The following MEMO1 variants were observed in gnomAD, a reference collection of about 807,000 sequenced individuals.
The protein encoded by MEMO1 is mediator of cell motility 1, also known as protein MEMO1.
MEMO1 carries 6 observed loss-of-function variants against 45.2 expected under a neutral mutation model. The ratio of observed to expected loss-of-function variants is 0.13; its 90% CI spans 0.07 to 0.26. The LOEUF (loss-of-function observed/expected upper bound fraction) is 0.26, where lower values mean the gene tolerates loss of function less well. MEMO1 is among the 10% of genes least tolerant of loss of function. The probability of loss-of-function intolerance (pLI) is 1.00; values close to 1 mark genes in which losing one functional copy is unlikely to be tolerated. For missense variants in MEMO1, 184 were observed against 370.5 expected, an observed-to-expected ratio of 0.50 and a Z score of 4.13; for synonymous variants, 78 against 124.3, an observed-to-expected ratio of 0.63 and a Z score of 2.48.
At chr2:31,969,437 G>A (rs543051133) in intron 2 of MEMO1, among the ~76,000 whole-genome samples, 120 of 150,562 alleles carry the variant, frequency 8.0e-4, no homozygotes, top group African/African-American at 2.9e-3. Flanking sequence ...ATATGTGTGT[G>A]TATACGCATA....
At chr2:31,879,023 T>A (rs1373003551) in intron 8 of MEMO1, among the ~76,000 whole-genome samples, 1 of 152,210 alleles carries the variant, frequency 6.6e-6, no homozygotes, top group Non-Finnish European at 1.5e-5. Flanking sequence ...TGAAGTAATC[T>A]CATAGTTTCC....
intron 2 of MEMO1, among the ~76,000 whole-genome samples, chr2:31,991,118 A>C (rs1203610144): frequency 6.6e-6 from 1 of 152,226 alleles, no homozygotes; most frequent in Non-Finnish European, 1.5e-5. Context: ...AAAAAGAGAA[A>C]ATGATGACTT....
chr2:31,975,700 A>G (rs1235061732), intron 2 of MEMO1, among the ~76,000 whole-genome samples: 3 of 152,240 alleles, frequency 2.0e-5, no homozygotes, highest in African/African-American at 7.2e-5. Flanking sequence ...AATAAGCATT[A>G]GTGCTAACAA....
chr2:31,977,427 G>C (rs920687106), intron 2 of MEMO1, among the ~76,000 whole-genome samples: 2 of 152,108 alleles, frequency 1.3e-5, no homozygotes, highest in Admixed American at 6.6e-5. Flanking sequence ...TCACAATGAT[G>C]ACCGCAGGAA....
chr2:31,902,293 G>C (rs1282588779), intron 6 of MEMO1, among the ~76,000 whole-genome samples: 2 of 152,052 alleles, frequency 1.3e-5, no homozygotes, highest in East Asian at 3.9e-4. Context: ...AGCTACTAAG[G>C]AGGCTGAGGC....
intron 2 of MEMO1, among the ~76,000 whole-genome samples, chr2:32,006,452 A>AT (rs1367001755): frequency 6.6e-6 from 1 of 152,108 alleles, no homozygotes; most frequent in Non-Finnish European, 1.5e-5. Context: ...GGTTTGGCAA[A>AT]TTTTTTCTAT....
intron 4 of MEMO1, among the ~76,000 whole-genome samples, chr2:31,925,179 T>TA (rs1246967641): frequency 1.3e-5 from 2 of 152,030 alleles, no homozygotes; most frequent in Non-Finnish European, 2.9e-5. Flanking sequence ...TACCCTGGCT[T>TA]AAAAAATGTG....
In MEMO1 at chr2:31,916,445, T is replaced by A. The variant is rs114468455; in HGVS notation, c.437+1481A>T. On this transcript the variant is annotated intron_variant, in intron 6 of 9. Coordinates refer to ENST00000404530, the MANE Select transcript of MEMO1 (RefSeq NM_001301833.4). ...AGTTTTGCCACATTGCCCAGGCTAG[T>A]CTTGAACTTCTGGGCTCAAGCCATG... is the stretch of plus-strand genomic sequence containing the variant. 4.0e-3 allele frequency among the ~76,000 whole-genome samples: 612 copies of A among 152,312 alleles called. 3 individuals carry two copies. Among genetic ancestry groups the A allele is most frequent in the Non-Finnish European group, 6.1e-3 (418 of 68,014 alleles).
intron 3 of MEMO1, among the ~76,000 whole-genome samples, chr2:31,936,955 T>C (rs140939306): frequency 9.9e-5 from 15 of 152,218 alleles, no homozygotes; most frequent in East Asian, 1.9e-4. Flanking sequence ...CCTCCAACAA[T>C]AGGAAAAGTC....
intron 2 of MEMO1, among the ~76,000 whole-genome samples, chr2:31,984,732 G>A (rs1332872217): frequency 6.6e-6 from 1 of 152,200 alleles, no homozygotes; most frequent in Non-Finnish European, 1.5e-5. Context: ...TGTGAACCCG[G>A]GAGACAGAGC....
chr2:31,943,436 A>C (rs369860119), intron 2 of MEMO1, 53 bp from the exon 3 acceptor site: 685 of 1,298,446 alleles, frequency 5.3e-4, no homozygotes, highest in Non-Finnish European at 7.2e-4. Context: ...TACTACAGAT[A>C]AACATATGTG....
chr2:31,959,519 C>T (rs1667769371), intron 2 of MEMO1, among the ~76,000 whole-genome samples: 1 of 150,894 alleles, frequency 6.6e-6, no homozygotes, highest in African/African-American at 2.4e-5. Context: ...AAAAGCCAAT[C>T]AATTGATTTT....
chr2:31,988,529 A>G (rs1671552991), intron 2 of MEMO1, among the ~76,000 whole-genome samples: 1 of 152,096 alleles, frequency 6.6e-6, no homozygotes, highest in Admixed American at 6.5e-5. Flanking sequence ...CTGGGCGACA[A>G]AGCAAGACTC....
At chr2:31,995,933 A>T (rs1441916679) in intron 2 of MEMO1, among the ~76,000 whole-genome samples, 1 of 152,178 alleles carries the variant, frequency 6.6e-6, no homozygotes, top group Non-Finnish European at 1.5e-5. Context: ...ATAGACTTCC[A>T]GAAGCTATGC....
At chr2:31,913,956 G>A (rs1681029929) in intron 6 of MEMO1, among the ~76,000 whole-genome samples, 1 of 152,128 alleles carries the variant, frequency 6.6e-6, no homozygotes, top group African/African-American at 2.4e-5. Flanking sequence ...TGCTGTGCCA[G>A]TTCTAGACTT....
chr2:31,886,117 T>C (rs943213561), intron 7 of MEMO1, among the ~76,000 whole-genome samples: 6 of 152,322 alleles, frequency 3.9e-5, no homozygotes, highest in Middle Eastern at 3.4e-3. Context: ...CATCTACTTT[T>C]TGTTACTCTT....
At chr2:31,969,586 G>GGGGTGTGT (rs1553376151) in intron 2 of MEMO1, among the ~76,000 whole-genome samples, 1 of 119,264 alleles carries the variant, frequency 8.4e-6, no homozygotes, top group East Asian at 2.4e-4. Flanking sequence ...TGTGTGTGTG[G>GGGGTGTGT]GTGTGTGTGT....
intron 8 of MEMO1, among the ~76,000 whole-genome samples, chr2:31,874,221 T>C (rs1674224138): frequency 6.6e-6 from 1 of 152,130 alleles, no homozygotes; most frequent in Non-Finnish European, 1.5e-5. Flanking sequence ...CCATCTCATA[T>C]GAATAACTAT....
intron 6 of MEMO1, among the ~76,000 whole-genome samples, chr2:31,915,624 A>G (rs1681331176): frequency 6.6e-6 from 1 of 152,188 alleles, no homozygotes; most frequent in Non-Finnish European, 1.5e-5. Context: ...AAAGAAAGAA[A>G]AAAAAAGTCC....
Sources: allele counts gnomAD v4.1 joint callset (sites outside exome capture counted in the v4.1 genomes callset), GRCh38; gene constraint gnomAD v4.1.1; transcripts MANE v1.5; gene names NCBI Gene and HGNC (gene_info 2026-07-23, HGNC 2026-07-21).